PLCXD3: variants seen among roughly 807,000 people sequenced by gnomAD.
PLCXD3 encodes the protein PI-PLC X domain-containing protein 3.
Under a neutral mutation model 25.5 loss-of-function variants are expected in PLCXD3, and 19 were observed. That is an observed-to-expected ratio of 0.75 (90% CI 0.52 to 1.09). PLCXD3 has a LOEUF of 1.09. PLCXD3 is among the 50% of genes least tolerant of loss of function. The pLI, the probability that PLCXD3 is intolerant of heterozygous loss-of-function variation, is 0.00. For missense variants in PLCXD3, 411 were observed against 388.1 expected, an observed-to-expected ratio of 1.06 and a Z score of -0.50; for synonymous variants, 174 against 137.6, an observed-to-expected ratio of 1.26 and a Z score of -1.85.
intron 1 of PLCXD3, among the ~76,000 whole-genome samples, chr5:41,454,791 A>G (rs145014933): frequency 6.6e-6 from 1 of 152,096 alleles, no homozygotes; most frequent in East Asian, 1.9e-4. Context: ...AGTTTACAAA[A>G]GAAACCAATT....
At chr5:41,332,837 C>T (rs1049570406) in intron 2 of PLCXD3, among the ~76,000 whole-genome samples, 6 of 152,006 alleles carry the variant, frequency 3.9e-5, no homozygotes, top group Admixed American at 6.6e-5. Context: ...AGTAAACTAT[C>T]GCAAGAACAA....
At chr5:41,348,687 C>T (rs188093453) in intron 2 of PLCXD3, among the ~76,000 whole-genome samples, 25 of 152,148 alleles carry the variant, frequency 1.6e-4, no homozygotes, top group East Asian at 3.9e-4. Flanking sequence ...GCAAGACCAT[C>T]GGGCCAGGTG....
chr5:41,508,570 A>T (rs552606297), intron 1 of PLCXD3, among the ~76,000 whole-genome samples: 1 of 152,246 alleles, frequency 6.6e-6, no homozygotes, highest in Admixed American at 6.5e-5. Flanking sequence ...GCTGGTGTAC[A>T]TAACAGGGCT....
chr5:41,371,381 G>A (rs763440992), intron 2 of PLCXD3, among the ~76,000 whole-genome samples: 13 of 152,082 alleles, frequency 8.5e-5, no homozygotes, highest in Non-Finnish European at 1.8e-4. Context: ...CCACAATACC[G>A]ACTTCAGATA....
chr5:41,507,482 A>C (rs879339875), intron 1 of PLCXD3, among the ~76,000 whole-genome samples: 5 of 152,222 alleles, frequency 3.3e-5, no homozygotes, highest in Non-Finnish European at 7.3e-5. Flanking sequence ...TCATGAAGCC[A>C]TTTAAATGCC....
chr5:41,324,792 C>CA (rs1743577966), intron 2 of PLCXD3, among the ~76,000 whole-genome samples: 1 of 152,218 alleles, frequency 6.6e-6, no homozygotes, highest in East Asian at 1.9e-4. Context: ...AATAGTATCA[C>CA]AACCAGTGTA....
At chr5:41,466,226 C>G (rs1361967488) in intron 1 of PLCXD3, among the ~76,000 whole-genome samples, 1 of 151,752 alleles carries the variant, frequency 6.6e-6, no homozygotes, top group African/African-American at 2.4e-5. Flanking sequence ...TTAATTAAAA[C>G]AATTTTTCAA....
Position 41,308,201 on chromosome 5 carries a change from G to A in PLCXD3, c.*5416C>T, listed in dbSNP as rs1361698501. On this transcript the variant is annotated 3_prime_UTR_variant, in exon 3 of 3. Transcript: ENST00000377801. The stretch of plus-strand genomic sequence containing the variant: ...ATAGATAGCCCAGCTGAAAAAGATA[G>A]AAAGGCAGTGTGGATAGAATTGTGA... The A allele has an allele frequency of 2.0e-5, 3 of 152,046 alleles. No homozygotes were observed. The highest frequency in any genetic ancestry group is 7.3e-5 in the African/African-American group (3 of 41,374). 9.4% of individuals were successfully genotyped at this position (152,046 alleles called of 1,614,324 possible). A position where few individuals can be genotyped will look rare whatever the true frequency, so the allele number is the denominator to read the frequency against.
chr5:41,374,375 T>C (rs1745219318), intron 2 of PLCXD3, among the ~76,000 whole-genome samples: 3 of 152,180 alleles, frequency 2.0e-5, no homozygotes, highest in African/African-American at 7.2e-5. Context: ...CCTTTTGATT[T>C]ACAAGCCAGA....
chr5:41,345,975 G>A (rs1744291400), intron 2 of PLCXD3, among the ~76,000 whole-genome samples: 2 of 151,872 alleles, frequency 1.3e-5, no homozygotes, highest in Admixed American at 6.6e-5. Context: ...CACCTACTGG[G>A]TTCAAGTGAT....
At chr5:41,365,310 G>A (rs189738289) in intron 2 of PLCXD3, among the ~76,000 whole-genome samples, 15 of 152,230 alleles carry the variant, frequency 9.9e-5, no homozygotes, top group African/African-American at 3.4e-4. Context: ...TTGCCATGTC[G>A]CAATGAAAGG....
At chr5:41,372,598 T>G (rs1456947445) in intron 2 of PLCXD3, among the ~76,000 whole-genome samples, 1 of 152,010 alleles carries the variant, frequency 6.6e-6, no homozygotes. Flanking sequence ...CCGGAGGACA[T>G]AGGATGAACT....
chr5:41,404,178 G>A (rs1470618820), intron 1 of PLCXD3, among the ~76,000 whole-genome samples: 1 of 152,100 alleles, frequency 6.6e-6, no homozygotes, highest in Non-Finnish European at 1.5e-5. Flanking sequence ...CAGTCAGTCA[G>A]TAACTCACTG....
rs1006297064 is a variant in PLCXD3 at position 41,324,500 on chromosome 5, T to A, written c.813-10730A>T. 7.2e-5 allele frequency among the ~76,000 whole-genome samples: 11 copies of A among 152,308 alleles called. No homozygotes were observed. The East Asian group carries it at 1.9e-3, about 27-fold the overall frequency. Reference sequence around the variant, plus strand: ...CATAATGTTGACCTAAATGGCCCAATGCCTTTAGGAAATAGAGCAGCAGGT... The same window carrying A: ...CATAATGTTGACCTAAATGGCCCAAAGCCTTTAGGAAATAGAGCAGCAGGT... On this transcript the variant is annotated intron_variant, in intron 2 of 2. Transcript: ENST00000377801.
chr5:41,430,556 G>T (rs1335918256), intron 1 of PLCXD3, among the ~76,000 whole-genome samples: 5 of 152,208 alleles, frequency 3.3e-5, no homozygotes, highest in Admixed American at 3.3e-4. Flanking sequence ...TCACAAGCAT[G>T]GTTGGAGTTT....
chr5:41,390,931 G>T (rs1416659123), intron 1 of PLCXD3, among the ~76,000 whole-genome samples: 1 of 152,146 alleles, frequency 6.6e-6, no homozygotes, highest in Non-Finnish European at 1.5e-5. Flanking sequence ...CAATTGTGAG[G>T]CATTGAACTC....
intron 1 of PLCXD3, among the ~76,000 whole-genome samples, chr5:41,426,201 T>C (rs369414443): frequency 3.3e-5 from 5 of 152,298 alleles, no homozygotes; most frequent in African/African-American, 9.6e-5. Context: ...TTCTGACTTA[T>C]GATGTGGAGC....
chr5:41,396,965 A>T (rs1449086399), intron 1 of PLCXD3, among the ~76,000 whole-genome samples: 2 of 152,200 alleles, frequency 1.3e-5, no homozygotes, highest in African/African-American at 4.8e-5. Context: ...AATCATTTGC[A>T]TAGACAAAGA....
chr5:41,398,594 G>A lies in PLCXD3; in HGVS notation c.104-16060C>T, dbSNP rs146571724. Among the ~76,000 whole-genome samples, 577 of 152,036 alleles carry A rather than the reference G, an allele frequency of 3.8e-3. 5 individuals are homozygous for A. The highest frequency in any genetic ancestry group is 0.031 in the Middle Eastern group (9 of 292). On this transcript the variant is annotated intron_variant, in intron 1 of 2. Coordinates refer to ENST00000377801, the MANE Select transcript of PLCXD3 (RefSeq NM_001005473.3). ...CAACATATGCAAATCAACCAACATG[G>A]TACGTCATATCAACAGAATGAAGAA... is the stretch of plus-strand genomic sequence containing the variant.
Sources: allele counts gnomAD v4.1 joint callset (sites outside exome capture counted in the v4.1 genomes callset), GRCh38; gene constraint gnomAD v4.1.1; transcripts MANE v1.5; gene names NCBI Gene and HGNC (gene_info 2026-07-23, HGNC 2026-07-21).